TSBP1: variants seen among roughly 807,000 people sequenced by gnomAD.
TSBP1 encodes the protein testis expressed basic protein 1.
A neutral mutation model predicts 68.8 loss-of-function variants in TSBP1; 56 were observed. That is an observed-to-expected ratio of 0.81 (90% confidence interval 0.66 to 1.02). The LOEUF is 1.02. Among genes scored for constraint, TSBP1 ranks in the 50% least tolerant of loss-of-function variants. The pLI is 0.00. For missense variants in TSBP1, 502 were observed against 641.2 expected, an observed-to-expected ratio of 0.78 and a Z score of 2.34; for synonymous variants, 171 against 208.7, an observed-to-expected ratio of 0.82 and a Z score of 1.56.
chr6:32,335,093 A>G lies in TSBP1; in HGVS notation c.472+344T>C, dbSNP rs1373308950. Among the ~76,000 whole-genome samples the G allele has an allele frequency of 2.0e-5, 3 of 152,224 alleles. No homozygotes were observed. Among genetic ancestry groups the G allele is most frequent in the African/African-American group, 7.2e-5 (3 of 41,456 alleles). On this transcript the variant is annotated intron_variant, in intron 14 of 22. Coordinates refer to ENST00000612031, the Ensembl canonical transcript of TSBP1. The surrounding 1 kb of genome is among the most constrained non-coding windows in gnomAD (Gnocchi z 5.5). ...TTATTTTACAAAGTGAAGATAATCT[A>G]ATAATGGAAAAATTATTTGCATGGA...
intron 6 of TSBP1, among the ~76,000 whole-genome samples, chr6:32,362,270 C>T (rs1045077409): frequency 7.5e-6 from 1 of 133,584 alleles, no homozygotes; most frequent in African/African-American, 2.9e-5. Context: ...GCCTGGGCAA[C>T]AGAGCCAGAC....
In TSBP1 at chr6:32,316,886, C is replaced by T. The variant is rs1261947194; in HGVS notation, c.560-1094G>A. On this transcript the variant is annotated intron_variant, in intron 18 of 22. Transcript: ENST00000612031. The surrounding 1 kb of genome is among the most constrained non-coding windows in gnomAD (Gnocchi z 4.5). Reference sequence around the variant, plus strand: ...GGTCGAGGCAGGCGGATCACGAGGTCAGGAGATCAAGACCATCCTGGCGAA... The same window carrying T: ...GGTCGAGGCAGGCGGATCACGAGGTTAGGAGATCAAGACCATCCTGGCGAA... 6.6e-6 allele frequency among the ~76,000 whole-genome samples: 1 copy of T among 152,030 alleles called. No individual in the cohort carries two copies. The highest frequency in any genetic ancestry group is 1.5e-5 in the Non-Finnish European group (1 of 68,002).
At position 32,333,997 on chromosome 6, in the gene TSBP1, C is replaced by T. The variant is rs1030291903; in HGVS notation, c.472+1440G>A. The T allele has an allele frequency of 2.1e-5, 6 of 281,704 alleles. No homozygotes were observed. Among genetic ancestry groups the T allele is most frequent in the African/African-American group, 1.1e-4 (5 of 43,668 alleles). The allele number at this position is 281,704 out of a possible 1,614,324, so 17.5% of individuals were successfully genotyped here. On this transcript the variant is annotated intron_variant, in intron 14 of 22. Transcript: ENST00000612031. The surrounding 1 kb of genome is among the most constrained non-coding windows in gnomAD (Gnocchi z 4.2). Reference sequence around the variant, plus strand: ...TTAATAGTTGCTTTGCCTGTATCTACAAATATGTATCTTTGATTCTGAAGT... The same window carrying T: ...TTAATAGTTGCTTTGCCTGTATCTATAAATATGTATCTTTGATTCTGAAGT...
chr6:32,326,375 T>G (rs1768219789), intron 16 of TSBP1, among the ~76,000 whole-genome samples: 1 of 152,132 alleles, frequency 6.6e-6, no homozygotes, highest in African/African-American at 2.4e-5. Context: ...GTATAACAGG[T>G]TATTTTAGTT....
intron 4 of TSBP1, among the ~76,000 whole-genome samples, chr6:32,366,810 C>T (rs1197612482): frequency 1.4e-5 from 2 of 142,650 alleles, no homozygotes; most frequent in African/African-American, 2.5e-5. Context: ...CTCAATCCAA[C>T]TACTAAAAGA....
In TSBP1 at chr6:32,337,987, T is replaced by C. The variant is rs1769870260; in HGVS notation, c.409+992A>G. On this transcript the variant is annotated intron_variant, in intron 11 of 22. Coordinates refer to ENST00000612031, the Ensembl canonical transcript of TSBP1. The surrounding 1 kb of genome is among the most constrained non-coding windows in gnomAD (Gnocchi z 5.5). ...AGTCCTGTCTCAGGGGCTCAAGCTC[T>C]GAACATCCTCAAAAATGAAGGATAG... 6.6e-6 allele frequency among the ~76,000 whole-genome samples: 1 copy of C among 152,204 alleles called. No individual in the cohort carries two copies. Among genetic ancestry groups the C allele is most frequent in the Non-Finnish European group, 1.5e-5 (1 of 68,030 alleles).
intron 19 of TSBP1, among the ~76,000 whole-genome samples, chr6:32,308,290 ATATT>A (rs1765973200): frequency 6.8e-6 from 1 of 146,826 alleles, no homozygotes; most frequent in African/African-American, 2.5e-5. Flanking sequence ...GCTAAGCAAC[ATATT>A]TAGACTTTTT....
At position 32,367,883 on chromosome 6, in the gene TSBP1, A is replaced by C. The variant is rs566219506; in HGVS notation, c.166+42T>G. ...TGAGTTGATTCACACTCTAAAGAGTATATTCCTTCATTAACTGTCTAGTAG... is the reference window on the plus strand; with the variant it reads ...TGAGTTGATTCACACTCTAAAGAGTCTATTCCTTCATTAACTGTCTAGTAG... On this transcript the variant is annotated intron_variant, in intron 4 of 22. Transcript: ENST00000612031. 18 of 1,441,396 alleles carry C rather than the reference A, an allele frequency of 1.2e-5. No individual in the cohort carries two copies. The East Asian group carries it at 3.6e-4, about 29-fold the overall frequency. The allele number at this position is 1,441,396 out of a possible 1,614,324, so 89.3% of individuals were successfully genotyped here. A position where few individuals can be genotyped will look rare whatever the true frequency, so the allele number is the denominator to read the frequency against.
rs144342149 is a variant in TSBP1, at chr6:32,336,444, C to T, written c.430+171G>A. The stretch of plus-strand genomic sequence containing the variant: ...AGACAGTGTTAAAAAAGCAAGTCAC[C>T]CCTAAACCTCAGCATCACACAATAT... On this transcript the variant is annotated intron_variant, in intron 12 of 22. Transcript: ENST00000612031. This position sits in a 1 kb window ranked among gnomAD's most constrained non-coding sequence, Gnocchi z 5.2. Among the ~76,000 whole-genome samples, 572 of 152,192 alleles carry T rather than the reference C, an allele frequency of 3.8e-3. 5 individuals are homozygous for T. The highest frequency in any genetic ancestry group is 0.013 in the African/African-American group (536 of 41,522).
At chr6:32,362,015 G>C (rs1205685644) in intron 6 of TSBP1, among the ~76,000 whole-genome samples, 2 of 152,106 alleles carry the variant, frequency 1.3e-5, no homozygotes, top group Non-Finnish European at 2.9e-5. Context: ...AACGGGCCGG[G>C]CGCGGTGGCT....
chr6:32,297,985 T>C (rs1017314871), intron 22 of TSBP1, among the ~76,000 whole-genome samples: 1 of 152,160 alleles, frequency 6.6e-6, no homozygotes, highest in African/African-American at 2.4e-5. Context: ...AAAAATTTTT[T>C]AAAAGATTAA....
At position 32,355,278 on chromosome 6, in the gene TSBP1, G is replaced by A. The variant is rs928000659; in HGVS notation, c.239-134C>T. 5 of 856,338 alleles carry A rather than the reference G, an allele frequency of 5.8e-6. No homozygotes were observed. The African/African-American group carries it at 8.5e-5, about 15-fold the overall frequency. The allele number at this position is 856,338 out of a possible 1,614,324, so 53.0% of individuals were successfully genotyped here. ...GGCCCCGGGAGTCATCACTGATCTGGTGATGGGTACTGACAGCCACTCCCA... is the reference window on the plus strand; with the variant it reads ...GGCCCCGGGAGTCATCACTGATCTGATGATGGGTACTGACAGCCACTCCCA... On this transcript the variant is annotated intron_variant, in intron 7 of 22. Coordinates refer to ENST00000612031, the Ensembl canonical transcript of TSBP1.
intron 17 of TSBP1, 54 bp from the exon 19 acceptor site, chr6:32,323,191 C>G (rs1309974095): frequency 8.1e-7 from 1 of 1,227,408 alleles, no homozygotes; most frequent in African/African-American, 1.5e-5. Flanking sequence ...ACAAGGTTCC[C>G]TCTAGGGAGG....
chr6:32,364,024 G>T (rs558881447), intron 6 of TSBP1, among the ~76,000 whole-genome samples: 3 of 152,182 alleles, frequency 2.0e-5, no homozygotes, highest in Admixed American at 6.5e-5. Flanking sequence ...TTGGTTGGCA[G>T]TTTTTTTCTT....
intron 19 of TSBP1, among the ~76,000 whole-genome samples, chr6:32,303,126 G>C (rs115433394): frequency 6.6e-6 from 1 of 152,126 alleles, no homozygotes; most frequent in Non-Finnish European, 1.5e-5. Flanking sequence ...GTCTGGAAAT[G>C]TTCCTACCCT....
At chr6:32,355,081 A>T (rs779927632) in intron 8 of TSBP1, 43 bp downstream of exon 8, 1 of 1,581,024 alleles carries the variant, frequency 6.3e-7, no homozygotes, top group Non-Finnish European at 8.6e-7. Flanking sequence ...GGGCTTGCAA[A>T]CCAGATGACA....
At chr6:32,356,971 A>C (rs1404440216) in intron 6 of TSBP1, 1 of 152,566 alleles carries the variant, frequency 6.6e-6, no homozygotes, top group Non-Finnish European at 1.5e-5. Flanking sequence ...ACTAAATTTC[A>C]TGTACCTAAA....
chr6:32,355,964 G>T (rs1423961809), intron 6 of TSBP1, among the ~76,000 whole-genome samples: 1 of 152,162 alleles, frequency 6.6e-6, no homozygotes, highest in African/African-American at 2.4e-5. Context: ...AGAAGGAATG[G>T]CAAGATATTT....
chr6:32,307,704 C>A, intron 19 of TSBP1, among the ~76,000 whole-genome samples: 1 of 150,512 alleles, frequency 6.6e-6, no homozygotes. Flanking sequence ...ATGCTATAAG[C>A]TCACAACTTT....
Sources: gnomAD v4.1 joint callset for allele counts (sites outside exome capture counted in the v4.1 genomes callset) on GRCh38, gnomAD v4.1.1 for gene constraint, Gnocchi (gnomAD v3.1) non-coding constraint, MANE v1.5 for transcripts, NCBI Gene and HGNC (gene_info 2026-07-23, HGNC 2026-07-21) for gene names.